The following NRG3 variants were observed in gnomAD, a reference collection of about 807,000 sequenced individuals.
NRG3 encodes pro-neuregulin-3, membrane-bound isoform.
A neutral mutation model predicts 66.9 loss-of-function variants in NRG3; 31 were observed. The ratio of observed to expected loss-of-function variants is 0.46; its 90% CI spans 0.35 to 0.63. The LOEUF is 0.63. Ranked by LOEUF, NRG3 falls within the 20% of genes least tolerant of loss-of-function variation. NRG3 has a pLI of 0.00. For missense variants in NRG3, 910 were observed against 878.9 expected, an observed-to-expected ratio of 1.04 and a Z score of -0.45; for synonymous variants, 393 against 359.4, an observed-to-expected ratio of 1.09 and a Z score of -1.06.
intron 2 of NRG3, among the ~76,000 whole-genome samples, chr10:82,371,089 A>G (rs7071442): frequency 0.073 from 11,096 of 152,196 alleles, 474 homozygotes; most frequent in East Asian, 0.14. Flanking sequence ...ATAACTTGCT[A>G]TAAGAGCACT....
intron 2 of NRG3, among the ~76,000 whole-genome samples, chr10:82,547,193 A>C (rs932068763): frequency 2.6e-5 from 4 of 152,020 alleles, no homozygotes; most frequent in African/African-American, 9.7e-5. Context: ...CTACATATTG[A>C]GTTTTATATT....
intron 6 of NRG3, among the ~76,000 whole-genome samples, chr10:82,967,609 CCT>C (rs1180667409): frequency 2.0e-5 from 3 of 152,070 alleles, no homozygotes; most frequent in African/African-American, 7.2e-5. Flanking sequence ...CACTTTTTTT[CCT>C]CTCTTACGTG....
At chr10:82,771,103 G>A (rs1178573685) in intron 3 of NRG3, among the ~76,000 whole-genome samples, 2 of 152,070 alleles carry the variant, frequency 1.3e-5, no homozygotes, top group Non-Finnish European at 2.9e-5. Flanking sequence ...CAACCAGCTA[G>A]GGTGAGTTAG....
intron 1 of NRG3, among the ~76,000 whole-genome samples, chr10:81,912,535 A>G (rs1252629338): frequency 6.6e-6 from 1 of 152,194 alleles, no homozygotes; most frequent in Non-Finnish European, 1.5e-5. Context: ...ACAGAATATT[A>G]TTTTGTATCG....
At chr10:82,336,505 A>ATCTT (rs1181396749) in intron 1 of NRG3, among the ~76,000 whole-genome samples, 29 of 150,110 alleles carry the variant, frequency 1.9e-4, no homozygotes, top group Admixed American at 7.3e-4. Context: ...CCACACCATT[A>ATCTT]TCTTTCTTTC....
chr10:82,370,922 T>G (rs1014133485), intron 2 of NRG3, among the ~76,000 whole-genome samples: 1 of 151,668 alleles, frequency 6.6e-6, no homozygotes, highest in Non-Finnish European at 1.5e-5. Context: ...ATATTTCTAC[T>G]AAAGGCAGCT....
chr10:82,862,220 C>T lies in NRG3; in HGVS notation c.1028-3191C>T, dbSNP rs550871282. Among the ~76,000 whole-genome samples, 41 of 152,248 alleles carry T rather than the reference C, an allele frequency of 2.7e-4. 1 individual carries two copies. The highest frequency in any genetic ancestry group is 9.6e-4 in the African/African-American group (40 of 41,552). On this transcript the variant is annotated intron_variant, in intron 3 of 8. Transcript: ENST00000372141. ...GTTAGATGGTTACAAGTTCCTGATA[C>T]TCAGTATGGGCTTGGGGAAGAGAAC...
rs986148404 is a variant in NRG3 at position 82,236,341 on chromosome 10, C to T, written c.824-122398C>T. ...CAGTTTTGTTCACAACCAAGGCCTGCGACTTCCACTCCAAAATGCTGAGGG... is the reference window on the plus strand; with the variant it reads ...CAGTTTTGTTCACAACCAAGGCCTGTGACTTCCACTCCAAAATGCTGAGGG... On this transcript the variant is annotated intron_variant, in intron 1 of 8. Transcript: ENST00000372141. Among the ~76,000 whole-genome samples, 12 of 152,158 alleles carry T rather than the reference C, an allele frequency of 7.9e-5. 1 individual carries two copies. Among genetic ancestry groups the T allele is most frequent in the African/African-American group, 2.4e-4 (10 of 41,432 alleles).
chr10:82,066,649 A>G (rs181624058), intron 1 of NRG3, among the ~76,000 whole-genome samples: 5 of 152,178 alleles, frequency 3.3e-5, no homozygotes, highest in Admixed American at 2.0e-4. Flanking sequence ...TCTGCTGAGT[A>G]CTTACCTGAG....
At chr10:82,706,598 AAAC>A (rs1319526713) in intron 2 of NRG3, among the ~76,000 whole-genome samples, 2 of 152,220 alleles carry the variant, frequency 1.3e-5, no homozygotes, top group Non-Finnish European at 2.9e-5. Context: ...CTTATTTGTT[AAAC>A]AACATTATGC....
intron 1 of NRG3, among the ~76,000 whole-genome samples, chr10:81,909,484 T>C (rs902576770): frequency 2.0e-5 from 3 of 152,136 alleles, no homozygotes; most frequent in African/African-American, 7.2e-5. Context: ...ATGGTAGTGA[T>C]GATGTGGGGG....
At chr10:82,349,350 G>T (rs542811149) in intron 1 of NRG3, among the ~76,000 whole-genome samples, 5,650 of 151,600 alleles carry the variant, frequency 0.037, 170 homozygotes, top group African/African-American at 0.085. Flanking sequence ...TGCCCCTGCT[G>T]GGGGGTGCCT....
intron 4 of NRG3, among the ~76,000 whole-genome samples, chr10:82,872,909 G>T (rs1841473307): frequency 6.6e-6 from 1 of 152,060 alleles, no homozygotes; most frequent in African/African-American, 2.4e-5. Context: ...TGCTATTTCA[G>T]TCTTTCTTCC....
intron 8 of NRG3, 114 bp downstream of exon 8, chr10:82,979,234 T>C: frequency 3.7e-6 from 4 of 1,085,180 alleles, no homozygotes; most frequent in Non-Finnish European, 5.3e-6. Flanking sequence ...TAACTGGCTA[T>C]ATATGCTTAC....
At chr10:82,171,134 C>T (rs939127214) in intron 1 of NRG3, among the ~76,000 whole-genome samples, 16 of 151,866 alleles carry the variant, frequency 1.1e-4, no homozygotes, top group African/African-American at 3.9e-4. Flanking sequence ...TGGTGCAATT[C>T]AATCAATGTA....
chr10:82,895,751 A>G (rs939629084), intron 4 of NRG3, among the ~76,000 whole-genome samples: 7 of 152,038 alleles, frequency 4.6e-5, no homozygotes, highest in Non-Finnish European at 8.8e-5. Flanking sequence ...TGGCCTCCCA[A>G]AAGTGCTGGG....
intron 4 of NRG3, among the ~76,000 whole-genome samples, chr10:82,913,673 ACT>A (rs1342828152): frequency 1.3e-5 from 2 of 152,144 alleles, no homozygotes; most frequent in African/African-American, 4.8e-5. Context: ...TAATACTTAT[ACT>A]TGGTTCTCTA....
intron 1 of NRG3, among the ~76,000 whole-genome samples, chr10:82,355,083 C>T (rs558689172): frequency 6.6e-6 from 1 of 152,258 alleles, no homozygotes; most frequent in African/African-American, 2.4e-5. Context: ...TATAGCATAG[C>T]CAGCTTAGTG....
At chr10:82,390,497 A>G (rs568074066) in intron 2 of NRG3, among the ~76,000 whole-genome samples, 2 of 152,296 alleles carry the variant, frequency 1.3e-5, no homozygotes, top group Non-Finnish European at 2.9e-5. Context: ...CTCTTTAAAT[A>G]GGGGGACCTA....
Sources: allele counts gnomAD v4.1 joint callset (sites outside exome capture counted in the v4.1 genomes callset), GRCh38; gene constraint gnomAD v4.1.1; transcripts MANE v1.5; gene names NCBI Gene and HGNC (gene_info 2026-07-23, HGNC 2026-07-21).